MSI2: variants seen among roughly 807,000 people sequenced by gnomAD.
The protein encoded by MSI2 is musashi RNA binding protein 2.
Under a neutral mutation model 45.6 loss-of-function variants are expected in MSI2, and 17 were observed. That is an observed-to-expected ratio of 0.37 (90% CI 0.26 to 0.56). The LOEUF is 0.56. MSI2 is among the 20% of genes least tolerant of loss of function. The pLI is 0.77. For missense variants in MSI2, 293 were observed against 444.2 expected (o/e 0.66, Z 3.06); for synonymous variants, 156 against 158.2 (o/e 0.99, Z 0.11).
chr17:57,627,417 G>GACC lies in MSI2; in HGVS notation c.727+115_727+117dup. On this transcript the variant is annotated intron_variant, in intron 10 of 13. Coordinates refer to ENST00000284073, the MANE Select transcript of MSI2 (RefSeq NM_138962.4). This position sits in a 1 kb window ranked among gnomAD's most constrained non-coding sequence, Gnocchi z 4.6. ...TTCTTACATGCATCCACTTGAAAATGACCTATACATGATAAATTTCAAATC... is the reference window on the plus strand; with the variant it reads ...TTCTTACATGCATCCACTTGAAAATGACCACCTATACATGATAAATTTCAAATC... 1.1e-6 allele frequency: 1 copy of GACC among 921,996 alleles called. No homozygotes were observed. Among genetic ancestry groups the GACC allele is most frequent in the Non-Finnish European group, 1.8e-6 (1 of 561,894 alleles). The allele number at this position is 921,996 out of a possible 1,614,324, so 57.1% of individuals were successfully genotyped here. A position where few individuals can be genotyped will look rare whatever the true frequency, so the allele number is the denominator to read the frequency against.
At chr17:57,283,445 C>T (rs765222226) in intron 5 of MSI2, among the ~76,000 whole-genome samples, 4 of 152,040 alleles carry the variant, frequency 2.6e-5, no homozygotes, top group Admixed American at 6.6e-5. Flanking sequence ...CTGTTATAAT[C>T]GGAAACAGAT....
intron 13 of MSI2, among the ~76,000 whole-genome samples, chr17:57,678,177 A>G (rs1371995925): frequency 6.6e-6 from 1 of 152,050 alleles, no homozygotes; most frequent in East Asian, 1.9e-4. Context: ...CCAGGTGGAG[A>G]ACTGGGTTGA....
intron 6 of MSI2, among the ~76,000 whole-genome samples, chr17:57,517,742 G>A (rs1167304726): frequency 6.6e-6 from 1 of 152,140 alleles, no homozygotes; most frequent in Non-Finnish European, 1.5e-5. Flanking sequence ...AGGGCCTGGG[G>A]CTTGGGAAAC....
chr17:57,334,542 C>G (rs1914534677), intron 5 of MSI2, among the ~76,000 whole-genome samples: 1 of 152,112 alleles, frequency 6.6e-6, no homozygotes, highest in African/African-American at 2.4e-5. Context: ...GCCTGTAATC[C>G]CAGCACTTTG....
intron 8 of MSI2, among the ~76,000 whole-genome samples, chr17:57,598,013 G>C (rs1405241560): frequency 6.6e-6 from 1 of 150,782 alleles, no homozygotes. Context: ...GCCACCAGAG[G>C]GTGCCATATC....
At chr17:57,612,065 G>A (rs1358842584) in intron 8 of MSI2, among the ~76,000 whole-genome samples, 1 of 95,236 alleles carries the variant, frequency 1.1e-5, no homozygotes, top group African/African-American at 3.3e-5. Flanking sequence ...CTGTCACCCG[G>A]GTTGTTCATG....
chr17:57,574,286 A>G (rs1598412773), intron 7 of MSI2, among the ~76,000 whole-genome samples: 1 of 152,106 alleles, frequency 6.6e-6, no homozygotes, highest in African/African-American at 2.4e-5. Flanking sequence ...TCTCGTCACT[A>G]TTTGGTTATG....
chr17:57,469,787 G>A (rs1227407926), intron 6 of MSI2, among the ~76,000 whole-genome samples: 2 of 152,184 alleles, frequency 1.3e-5, no homozygotes, highest in African/African-American at 4.8e-5. Context: ...TCTTCCAGAT[G>A]GTTCTGCTTT....
Position 57,675,049 on chromosome 17 carries a change from A to G in MSI2, c.868A>G (p.Ser290Gly), listed in dbSNP as rs199615350. The change falls in exon 12 of 14, where the codon AGC (serine) becomes GGC (glycine). Residue 290 changes from serine (S) to glycine (G), a missense_variant. Ser to Gly is a moderately conservative substitution (Grantham distance 56). Transcript: ENST00000284073. The stretch of plus-strand genomic sequence containing the variant: ...TGTCGCCGATCTCTACGGCCCTGCC[A>G]GCCAGGACTCCGGAGTGGGGAATTA... ...GPVADLYGPASQDSGVGNYIS... is the reference protein window; with the variant it reads ...GPVADLYGPAGQDSGVGNYIS... 2.4e-5 allele frequency: 39 copies of G among 1,614,082 alleles called. No individual in the cohort carries two copies. The East Asian group carries it at 8.0e-4, about 33-fold the overall frequency.
intron 10 of MSI2, among the ~76,000 whole-genome samples, chr17:57,634,003 C>CT (rs1909633980): frequency 2.0e-5 from 3 of 152,198 alleles, no homozygotes; most frequent in African/African-American, 7.2e-5. Flanking sequence ...TCTCTTCCCT[C>CT]CTTCCCTCTC....
At chr17:57,334,905 A>G (rs1914572506) in intron 5 of MSI2, among the ~76,000 whole-genome samples, 1 of 152,032 alleles carries the variant, frequency 6.6e-6, no homozygotes, top group Non-Finnish European at 1.5e-5. Context: ...ACTCTGAACT[A>G]TGAATTTAAT....
intron 6 of MSI2, among the ~76,000 whole-genome samples, chr17:57,495,760 C>T (rs879873166): frequency 6.6e-6 from 1 of 152,132 alleles, no homozygotes; most frequent in Non-Finnish European, 1.5e-5. Context: ...TTCAGATAAA[C>T]GTACATCTCT....
chr17:57,335,826 G>T (rs1164197285), intron 5 of MSI2, among the ~76,000 whole-genome samples: 1 of 152,220 alleles, frequency 6.6e-6, no homozygotes, highest in East Asian at 1.9e-4. Context: ...TGATGGCAAA[G>T]GCCTAGAGGC....
intron 11 of MSI2, among the ~76,000 whole-genome samples, chr17:57,656,705 G>A (rs1911619958): frequency 3.3e-5 from 5 of 152,210 alleles, no homozygotes; most frequent in Admixed American, 3.3e-4. Flanking sequence ...CAGTTTCGTG[G>A]AGACAGAAAG....
At chr17:57,343,031 A>G (rs1915299794) in intron 5 of MSI2, among the ~76,000 whole-genome samples, 1 of 152,308 alleles carries the variant, frequency 6.6e-6, no homozygotes, top group South Asian at 2.1e-4. Context: ...GTTCAATATT[A>G]TCTTGCAAAA....
intron 11 of MSI2, among the ~76,000 whole-genome samples, chr17:57,670,757 T>C (rs1912716226): frequency 6.6e-6 from 1 of 152,232 alleles, no homozygotes; most frequent in Non-Finnish European, 1.5e-5. Context: ...CATTTTCCTA[T>C]GTCAGATTTT....
At position 57,529,558 on chromosome 17, in the gene MSI2, A is replaced by C; in HGVS notation, c.406-118A>C. ...TTTTTGCATTTTCAAATATTTTTTG[A>C]TAAGCAACTATTACTTCTGTAATGG... On this transcript the variant is annotated intron_variant, in intron 6 of 13. Transcript: ENST00000284073. The surrounding 1 kb of genome is among the most constrained non-coding windows in gnomAD (Gnocchi z 5.3). 2 of 852,548 alleles carry C rather than the reference A, an allele frequency of 2.3e-6. No homozygotes were observed. Among genetic ancestry groups the C allele is most frequent in the Admixed American group, 5.2e-5 (2 of 38,818 alleles). The allele number at this position is 852,548 out of a possible 1,614,324, so 52.8% of individuals were successfully genotyped here. A position where few individuals can be genotyped will look rare whatever the true frequency, so the allele number is the denominator to read the frequency against.
intron 5 of MSI2, among the ~76,000 whole-genome samples, chr17:57,272,536 T>C (rs1259609759): frequency 6.6e-6 from 1 of 152,220 alleles, no homozygotes; most frequent in Non-Finnish European, 1.5e-5. Context: ...TAATTAAACA[T>C]GGCAACAACT....
At position 57,683,843 on chromosome 17, in the gene MSI2, C is replaced by T. The variant is rs1913761030; in HGVS notation, c.*4326C>T. On this transcript the variant is annotated 3_prime_UTR_variant, in exon 14 of 14. Transcript: ENST00000284073. The surrounding 1 kb of genome is among the most constrained non-coding windows in gnomAD (Gnocchi z 5.2). Reference sequence around the variant, plus strand: ...AGAAAACTAGCAGACGTCAGCTCAGCCCCGTCCTGGGCACAGACACTACAC... The same window carrying T: ...AGAAAACTAGCAGACGTCAGCTCAGTCCCGTCCTGGGCACAGACACTACAC... The T allele has an allele frequency of 4.3e-6, 1 of 232,368 alleles. No individual in the cohort carries two copies. The highest frequency in any genetic ancestry group is 6.1e-5 in the East Asian group (1 of 16,522). 14.4% of individuals were successfully genotyped at this position (232,368 alleles called of 1,614,324 possible).
Sources: allele counts gnomAD v4.1 joint callset (sites outside exome capture counted in the v4.1 genomes callset), GRCh38; gene constraint gnomAD v4.1.1; non-coding constraint Gnocchi (gnomAD v3.1); transcripts MANE v1.5; gene names NCBI Gene and HGNC (gene_info 2026-07-23, HGNC 2026-07-21).